Variants in ULK4 observed in about 807,000 individuals in gnomAD.
ULK4 encodes the protein inactive serine/threonine-protein kinase ULK4.
Under a neutral mutation model 160.6 loss-of-function variants are expected in ULK4, and 133 were observed. The ratio of observed to expected loss-of-function variants is 0.83; its 90% CI spans 0.72 to 0.96. The LOEUF (loss-of-function observed/expected upper bound fraction) is 0.96, where lower values mean the gene tolerates loss of function less well. ULK4 is among the 40% of genes least tolerant of loss of function. ULK4 has a pLI of 0.00. For missense variants in ULK4, 1,580 were observed against 1,499.5 expected (o/e 1.05, Z -0.89); for synonymous variants, 534 against 539.8 (o/e 0.99, Z 0.15).
chr3:41,628,372 G>A (rs1338149729), intron 30 of ULK4, among the ~76,000 whole-genome samples: 1 of 152,158 alleles, frequency 6.6e-6, no homozygotes, highest in Admixed American at 6.5e-5. Flanking sequence ...CACAAAGGGA[G>A]CAAGTTTCAC....
At chr3:41,390,932 C>T (rs2081942740) in intron 35 of ULK4, among the ~76,000 whole-genome samples, 2 of 151,966 alleles carry the variant, frequency 1.3e-5, no homozygotes, top group Non-Finnish European at 2.9e-5. Flanking sequence ...CAAATCTCTC[C>T]CTATCCTTCC....
chr3:41,885,123 G>C (rs1032395286), intron 16 of ULK4, among the ~76,000 whole-genome samples: 1 of 151,984 alleles, frequency 6.6e-6, no homozygotes, highest in African/African-American at 2.4e-5. Context: ...CAAAGTTCTG[G>C]GATTACAGGC....
At chr3:41,679,131 T>C (rs924268213) in intron 29 of ULK4, among the ~76,000 whole-genome samples, 1 of 152,210 alleles carries the variant, frequency 6.6e-6, no homozygotes. Context: ...TAATGGCCAA[T>C]TCATTTCCAT....
chr3:41,576,677 C>T (rs114127193), intron 31 of ULK4, among the ~76,000 whole-genome samples: 1,748 of 152,208 alleles, frequency 0.011, 30 homozygotes, highest in African/African-American at 0.034. Context: ...ATAAAAAAGG[C>T]CTTTCCCAAA....
At chr3:41,345,916 T>G (rs2080789085) in intron 35 of ULK4, among the ~76,000 whole-genome samples, 1 of 151,756 alleles carries the variant, frequency 6.6e-6, no homozygotes, top group African/African-American at 2.4e-5. Flanking sequence ...AGAGCAGGAA[T>G]TTGCAGGGGG....
chr3:41,344,791 G>A (rs1343949504), intron 35 of ULK4, among the ~76,000 whole-genome samples: 1 of 146,622 alleles, frequency 6.8e-6, no homozygotes, highest in Non-Finnish European at 1.5e-5. Context: ...ATTGACAAAT[G>A]GGATCTAATT....
chr3:41,275,394 C>G (rs552012259), intron 35 of ULK4, among the ~76,000 whole-genome samples: 1 of 152,124 alleles, frequency 6.6e-6, no homozygotes, highest in Non-Finnish European at 1.5e-5. Context: ...TCTTATTTGA[C>G]CTGATATTTA....
rs182472510 is a variant in ULK4 at position 41,250,707 on chromosome 3, C to T, written c.3679-1133G>A. 1.5e-4 allele frequency among the ~76,000 whole-genome samples: 23 copies of T among 152,274 alleles called. 1 individual carries two copies. The highest frequency in any genetic ancestry group is 9.2e-4 in the Admixed American group (14 of 15,296). On this transcript the variant is annotated intron_variant, in intron 35 of 36. Coordinates refer to ENST00000301831, the MANE Select transcript of ULK4 (RefSeq NM_017886.4). ...ACTCTGAATTATATATGAATGCATT[C>T]GCACCTCCACTGAGATCCTCTCCCA...
At chr3:41,820,124 A>G (rs2041094725) in intron 18 of ULK4, among the ~76,000 whole-genome samples, 1 of 152,202 alleles carries the variant, frequency 6.6e-6, no homozygotes, top group African/African-American at 2.4e-5. Context: ...TACCACACAG[A>G]AAGATGAAAA....
chr3:41,257,003 AG>A (rs1341950077), intron 35 of ULK4, among the ~76,000 whole-genome samples: 1 of 152,220 alleles, frequency 6.6e-6, no homozygotes, highest in Non-Finnish European at 1.5e-5. Flanking sequence ...CTGGGATTAC[AG>A]ATGGAGGCCA....
intron 5 of ULK4, among the ~76,000 whole-genome samples, chr3:41,926,973 A>AT (rs1416764620): frequency 6.6e-6 from 1 of 152,226 alleles, no homozygotes; most frequent in African/African-American, 2.4e-5. Flanking sequence ...ACAGGCCAAC[A>AT]TTCAAATTCA....
intron 18 of ULK4, among the ~76,000 whole-genome samples, chr3:41,830,474 A>C (rs1242756690): frequency 2.0e-5 from 3 of 152,100 alleles, no homozygotes; most frequent in South Asian, 2.1e-4. Context: ...GGTGCTAAGG[A>C]AACTTTTGGA....
chr3:41,650,253 C>A (rs2034685363), intron 30 of ULK4, among the ~76,000 whole-genome samples: 1 of 152,178 alleles, frequency 6.6e-6, no homozygotes, highest in Non-Finnish European at 1.5e-5. Context: ...ACTCAGGACC[C>A]ACCAAATGCC....
intron 35 of ULK4, among the ~76,000 whole-genome samples, chr3:41,251,390 CT>C (rs1162625401): frequency 4.6e-5 from 7 of 152,226 alleles, no homozygotes; most frequent in Non-Finnish European, 1.0e-4. Flanking sequence ...ACATGACACT[CT>C]TTCTCTCCCT....
chr3:41,797,368 G>A (rs925874213), intron 20 of ULK4, among the ~76,000 whole-genome samples: 1 of 152,142 alleles, frequency 6.6e-6, no homozygotes, highest in African/African-American at 2.4e-5. Context: ...ATCATCACAT[G>A]ACAACCACCC....
intron 35 of ULK4, among the ~76,000 whole-genome samples, chr3:41,335,424 T>G (rs188970126): frequency 1.7e-4 from 26 of 152,314 alleles, no homozygotes; most frequent in Admixed American, 1.2e-3. Context: ...AACTCCATCT[T>G]CATATTATCA....
At chr3:41,809,312 A>G (rs956979629) in intron 19 of ULK4, among the ~76,000 whole-genome samples, 2 of 152,134 alleles carry the variant, frequency 1.3e-5, no homozygotes, top group Non-Finnish European at 2.9e-5. Flanking sequence ...CTTGTCCACT[A>G]TACTGCAAGA....
intron 25 of ULK4, among the ~76,000 whole-genome samples, chr3:41,711,650 T>C (rs532681260): frequency 2.0e-5 from 3 of 152,310 alleles, no homozygotes; most frequent in East Asian, 3.9e-4. Flanking sequence ...TTATTTTTTG[T>C]AGAAAACTAT....
At chr3:41,468,572 T>A (rs546085880) in intron 32 of ULK4, among the ~76,000 whole-genome samples, 1 of 152,288 alleles carries the variant, frequency 6.6e-6, no homozygotes, top group Admixed American at 6.5e-5. Flanking sequence ...TCCACAGATA[T>A]GAACACTCTG....
Sources: allele counts gnomAD v4.1 joint callset (sites outside exome capture counted in the v4.1 genomes callset), GRCh38; gene constraint gnomAD v4.1.1; transcripts MANE v1.5; gene names NCBI Gene and HGNC (gene_info 2026-07-23, HGNC 2026-07-21).